EFL1: variants seen among roughly 807,000 people sequenced by gnomAD.
The protein encoded by EFL1 is elongation factor like GTPase 1.
A neutral mutation model predicts 126.7 loss-of-function variants in EFL1; 76 were observed. That is an observed-to-expected ratio of 0.60 (90% CI 0.50 to 0.73). The LOEUF is 0.73. EFL1 is among the 30% of genes least tolerant of loss of function. The pLI is 0.00. For synonymous variants in EFL1, 410 were observed against 448.4 expected (o/e 0.91, Z 1.08); for missense variants, 1,128 against 1,343.2 (o/e 0.84, Z 2.50).
At chr15:82,258,807 C>A (rs1433050185) in intron 3 of EFL1, among the ~76,000 whole-genome samples, 1 of 152,232 alleles carries the variant, frequency 6.6e-6, no homozygotes, top group African/African-American at 2.4e-5. Flanking sequence ...AACTCATTCA[C>A]CTACAAAGAA....
chr15:82,156,558 G>C (rs1013557408), intron 17 of EFL1, among the ~76,000 whole-genome samples: 15 of 152,072 alleles, frequency 9.9e-5, no homozygotes, highest in African/African-American at 3.6e-4. Flanking sequence ...GCTGGGATTA[G>C]AGGCGTGAGC....
chr15:82,141,894 T>A (rs1459748862), intron 18 of EFL1, among the ~76,000 whole-genome samples: 2 of 152,184 alleles, frequency 1.3e-5, no homozygotes, highest in Non-Finnish European at 2.9e-5. Context: ...CTGAATATAG[T>A]TAACATGTAA....
At chr15:82,214,137 G>A (rs2074618059) in intron 15 of EFL1, among the ~76,000 whole-genome samples, 1 of 152,186 alleles carries the variant, frequency 6.6e-6, no homozygotes, top group Admixed American at 6.5e-5. Flanking sequence ...CACTCTGGAT[G>A]CAAGAGAAAT....
chr15:82,228,989 T>C, intron 9 of EFL1, 45 bp downstream of exon 9: 1 of 1,505,768 alleles, frequency 6.6e-7, no homozygotes, highest in Non-Finnish European at 9.0e-7. Flanking sequence ...GTGAGACAAA[T>C]TATACTGCCT....
chr15:82,217,820 T>C (rs2074666931), intron 14 of EFL1, among the ~76,000 whole-genome samples: 1 of 152,180 alleles, frequency 6.6e-6, no homozygotes, highest in Non-Finnish European at 1.5e-5. Context: ...TGTCACACTG[T>C]GATTCTATAC....
At chr15:82,156,711 G>C (rs1186088058) in intron 17 of EFL1, among the ~76,000 whole-genome samples, 1 of 152,110 alleles carries the variant, frequency 6.6e-6, no homozygotes, top group Non-Finnish European at 1.5e-5. Flanking sequence ...TTTAATATAT[G>C]ACTATATCAA....
intron 19 of EFL1, 74 bp downstream of exon 19, chr15:82,138,584 T>C (rs1280182002): frequency 1.3e-6 from 2 of 1,531,750 alleles, no homozygotes; most frequent in Non-Finnish European, 1.8e-6. Context: ...TGTTGTTTGC[T>C]ACTCTTGGCC....
chr15:82,240,569 A>C lies in EFL1; in HGVS notation c.379-14T>G, dbSNP rs749809148. 6.2e-7 allele frequency: 1 copy of C among 1,609,816 alleles called. No homozygotes were observed. The highest frequency in any genetic ancestry group is 1.3e-5 in the African/African-American group (1 of 74,640). On this transcript the variant is annotated splice_polypyrimidine_tract_variant and intron_variant, in intron 5 of 19. Transcript: ENST00000268206. Reference sequence around the variant, plus strand: ...AACTGCCTGTGTCTGATAAAAACAGAAAGAAAAATGTAAAACTCATGATTT... The same window carrying C: ...AACTGCCTGTGTCTGATAAAAACAGCAAGAAAAATGTAAAACTCATGATTT...
intron 16 of EFL1, among the ~76,000 whole-genome samples, chr15:82,158,494 C>T (rs973178436): frequency 5.9e-5 from 9 of 152,288 alleles, no homozygotes; most frequent in African/African-American, 2.2e-4. Flanking sequence ...TTTTTCACCC[C>T]CTTTCCACAT....
intron 7 of EFL1, among the ~76,000 whole-genome samples, chr15:82,233,450 C>G (rs755795040): frequency 4.6e-5 from 7 of 152,162 alleles, no homozygotes; most frequent in Non-Finnish European, 1.0e-4. Context: ...ACAACTCAGT[C>G]AAGTATGAAA....
rs767695612 is a variant in EFL1, at chr15:82,163,959, C to T, written c.1776G>A (p.Val592=). ...VLGIGGLQDF[V]LKSATLCSLP... is the part of the protein sequence containing the mutation. ...GGCTACACAGTGTTGCAGATTTCAG[C>T]ACAAAATCTTGAAGGCCTCCTATTC... Residue 592 remains valine (V), a synonymous_variant, in exon 16 of 20, where the codon GTG becomes GTA. Transcript: ENST00000268206. The T allele has an allele frequency of 1.2e-6, 2 of 1,613,866 alleles. No individual in the cohort carries two copies. The highest frequency in any genetic ancestry group is 1.7e-6 in the Non-Finnish European group (2 of 1,179,896).
At chr15:82,228,136 T>G in intron 10 of EFL1, 55 bp downstream of exon 10, 2 of 1,546,490 alleles carry the variant, frequency 1.3e-6, no homozygotes, top group Non-Finnish European at 1.7e-6. Flanking sequence ...TAACGCATTG[T>G]TTTTTCTAGC....
At chr15:82,233,852 A>T (rs1213019444) in intron 7 of EFL1, 1 of 152,192 alleles carries the variant, frequency 6.6e-6, no homozygotes, top group African/African-American at 2.4e-5. Flanking sequence ...TTTGTGACAC[A>T]TGCAGCTGTC....
At chr15:82,178,402 T>C (rs1239069157) in intron 15 of EFL1, among the ~76,000 whole-genome samples, 1 of 152,174 alleles carries the variant, frequency 6.6e-6, no homozygotes, top group East Asian at 1.9e-4. Flanking sequence ...TTGCCATAGA[T>C]ACATGAACAC....
chr15:82,248,141 C>CA (rs1300686806), intron 4 of EFL1, among the ~76,000 whole-genome samples: 1 of 152,112 alleles, frequency 6.6e-6, no homozygotes, highest in Non-Finnish European at 1.5e-5. Flanking sequence ...GAAGATTAAA[C>CA]AAAATCAGGC....
intron 15 of EFL1, among the ~76,000 whole-genome samples, chr15:82,191,230 AC>A (rs955400505): frequency 6.6e-6 from 1 of 152,076 alleles, no homozygotes; most frequent in Non-Finnish European, 1.5e-5. Flanking sequence ...AATACAACAC[AC>A]CCTGAAATCT....
Position 82,228,338 on chromosome 15 carries a change from C to T in EFL1, c.933-11G>A. ...ATTTTGTCTTTGTCCCTGTGGTAAA[C>T]ACAAGATTGGAGAGGGGAAATGTCA... On this transcript the variant is annotated splice_polypyrimidine_tract_variant and intron_variant, in intron 9 of 19. Transcript: ENST00000268206. 1 of 1,611,802 alleles carries T rather than the reference C, an allele frequency of 6.2e-7. No individual in the cohort carries two copies. Among genetic ancestry groups the T allele is most frequent in the Non-Finnish European group, 8.5e-7 (1 of 1,179,184 alleles).
chr15:82,157,872 A>T lies in EFL1; in HGVS notation c.1883-12T>A. The T allele has an allele frequency of 6.2e-7, 1 of 1,609,238 alleles. No homozygotes were observed. The highest frequency in any genetic ancestry group is 1.1e-5 in the South Asian group (1 of 90,466). ...CTGAGGCATTTCACCTAGGTTAACA[A>T]AACGAAATAGATTAAATATGATATA... On this transcript the variant is annotated splice_polypyrimidine_tract_variant and intron_variant, in intron 16 of 19. Transcript: ENST00000268206.
chr15:82,232,525 C>T (rs1186504820), intron 7 of EFL1, among the ~76,000 whole-genome samples: 2 of 152,140 alleles, frequency 1.3e-5, no homozygotes, highest in Non-Finnish European at 1.5e-5. Flanking sequence ...TCTATTTTTG[C>T]CTCATGCACT....
Sources: gnomAD v4.1 joint callset for allele counts (sites outside exome capture counted in the v4.1 genomes callset) on GRCh38, gnomAD v4.1.1 for gene constraint, MANE v1.5 for transcripts, NCBI Gene and HGNC (gene_info 2026-07-23, HGNC 2026-07-21) for gene names.